The following LIMCH1 variants were observed in gnomAD, a reference collection of about 807,000 sequenced individuals.
The protein encoded by LIMCH1 is LIM and calponin homology domains 1.
A neutral mutation model predicts 176.5 loss-of-function variants in LIMCH1; 113 were observed. The ratio of observed to expected loss-of-function variants is 0.64; its 90% CI spans 0.55 to 0.75. LIMCH1 has a LOEUF of 0.75. LIMCH1 is among the 30% of genes least tolerant of loss of function. The pLI is 0.00. For missense variants in LIMCH1, 1,674 were observed against 1,814.9 expected (o/e 0.92, Z 1.41); for synonymous variants, 619 against 645.9 (o/e 0.96, Z 0.63).
chr4:41,367,391 C>T lies in LIMCH1; in HGVS notation c.96+6455C>T, dbSNP rs2053188318. Among the ~76,000 whole-genome samples the T allele has an allele frequency of 3.3e-5, 5 of 152,190 alleles. No individual in the cohort carries two copies. The South Asian group carries it at 8.3e-4, about 25-fold the overall frequency. ...TTAGGTTGGGAAAGCTCCATGTTTC[C>T]ACTGTCCTGCATTTTGCCTGTGAGA... is the stretch of plus-strand genomic sequence containing the variant. On this transcript the variant is annotated intron_variant, in intron 1 of 26. Transcript: ENST00000313860.
At chr4:41,494,751 A>G (rs2071765677) in intron 2 of LIMCH1, 2 of 589,320 alleles carry the variant, frequency 3.4e-6, no homozygotes, top group Non-Finnish European at 5.9e-6. Context: ...TAGACAAGAA[A>G]CACAAGTCGG....
intron 12 of LIMCH1, 75 bp from the exon 13 acceptor site, chr4:41,633,473 G>A (rs576921066): frequency 4.0e-5 from 59 of 1,486,892 alleles, no homozygotes; most frequent in East Asian, 7.4e-5. Flanking sequence ...TTGAATTAAC[G>A]CCAGTGAGTG....
chr4:41,573,322 T>C (rs148923769), intron 1 of LIMCH1, among the ~76,000 whole-genome samples: 4 of 152,208 alleles, frequency 2.6e-5, no homozygotes, highest in African/African-American at 9.7e-5. Context: ...TGATATGTAA[T>C]CACTATGTAA....
Position 41,598,916 on chromosome 4 carries a change from C to G in LIMCH1, c.-240-4C>G, listed in dbSNP as rs1002239083. On this transcript the variant is annotated splice_polypyrimidine_tract_variant and splice_region_variant and intron_variant, in intron 1 of 31. Coordinates refer to ENST00000503057, the MANE Select transcript of LIMCH1 (RefSeq NM_001330672.2). ...TAGACTTATATTTCTTTTTTTCCTT[C>G]TAGGACAATATTATCTTATTCTTGA... 2 of 1,567,808 alleles carry G rather than the reference C, an allele frequency of 1.3e-6. No individual in the cohort carries two copies. The highest frequency in any genetic ancestry group is 1.8e-6 in the Non-Finnish European group (2 of 1,142,182).
intron 1 of LIMCH1, among the ~76,000 whole-genome samples, chr4:41,386,239 C>T (rs1420338515): frequency 2.6e-5 from 4 of 152,110 alleles, no homozygotes; most frequent in African/African-American, 9.7e-5. Flanking sequence ...TTCTGTTACC[C>T]TTCTTGGGGA....
chr4:41,600,289 G>A (rs1037665276), intron 2 of LIMCH1, among the ~76,000 whole-genome samples: 1 of 152,118 alleles, frequency 6.6e-6, no homozygotes, highest in Non-Finnish European at 1.5e-5. Flanking sequence ...ATTTATTATT[G>A]TACTTAAATC....
At chr4:41,638,852 C>A in intron 13 of LIMCH1, 80 bp from the exon 14 acceptor site, 1 of 1,151,926 alleles carries the variant, frequency 8.7e-7, no homozygotes, top group Non-Finnish European at 1.3e-6. Flanking sequence ...TGTATTTCAC[C>A]GGCAGTTTCT....
chr4:41,676,721 G>A (rs115760658), intron 23 of LIMCH1, among the ~76,000 whole-genome samples: 1,813 of 152,216 alleles, frequency 0.012, 42 homozygotes, highest in African/African-American at 0.041. Context: ...GTATGGATAA[G>A]GGCCAGTCTA....
intron 4 of LIMCH1, chr4:41,612,349 C>T: frequency 3.6e-6 from 2 of 556,492 alleles, no homozygotes; most frequent in East Asian, 2.9e-5. Context: ...TTTATTTTTC[C>T]TTTCTATTGG....
chr4:41,503,915 G>T (rs985394032), intron 2 of LIMCH1, among the ~76,000 whole-genome samples: 2 of 152,160 alleles, frequency 1.3e-5, no homozygotes, highest in Admixed American at 6.5e-5. Context: ...TTTTTCTGAT[G>T]TGGCTGCCAC....
At chr4:41,506,064 C>T (rs895932027) in intron 2 of LIMCH1, among the ~76,000 whole-genome samples, 6 of 151,954 alleles carry the variant, frequency 3.9e-5, no homozygotes, top group African/African-American at 1.5e-4. Flanking sequence ...TTACAAATTC[C>T]ATCTTCCTAG....
At chr4:41,603,494 T>C (rs1339016921) in intron 2 of LIMCH1, among the ~76,000 whole-genome samples, 1 of 152,250 alleles carries the variant, frequency 6.6e-6, no homozygotes. Flanking sequence ...AATACTTGCA[T>C]GAAGATTTTG....
intron 1 of LIMCH1, among the ~76,000 whole-genome samples, chr4:41,481,222 T>G (rs1281892773): frequency 6.6e-6 from 1 of 152,244 alleles, no homozygotes; most frequent in Admixed American, 6.5e-5. Context: ...TCTGTGCTGT[T>G]TCTTTGCCAA....
At chr4:41,440,124 T>C (rs2154140898) in intron 1 of LIMCH1, among the ~76,000 whole-genome samples, 1 of 152,320 alleles carries the variant, frequency 6.6e-6, no homozygotes, top group South Asian at 2.1e-4. Flanking sequence ...ATTTTAAAAA[T>C]TATTAAATAA....
chr4:41,540,690 G>A (rs2078520766), intron 1 of LIMCH1, among the ~76,000 whole-genome samples: 1 of 152,080 alleles, frequency 6.6e-6, no homozygotes, highest in Admixed American at 6.6e-5. Context: ...AGTGAGCTGA[G>A]ATCGCACCAC....
chr4:41,457,796 A>G (rs1183113010), intron 1 of LIMCH1, among the ~76,000 whole-genome samples: 1 of 152,204 alleles, frequency 6.6e-6, no homozygotes, highest in East Asian at 1.9e-4. Context: ...AACATTTGCA[A>G]ATCATCTGAC....
chr4:41,441,994 C>G (rs1015603241), intron 1 of LIMCH1, among the ~76,000 whole-genome samples: 3 of 152,146 alleles, frequency 2.0e-5, no homozygotes, highest in African/African-American at 7.2e-5. Flanking sequence ...ATGGAGACCA[C>G]AAAAGCTGTG....
chr4:41,381,585 G>C (rs183649328), intron 1 of LIMCH1, among the ~76,000 whole-genome samples: 4 of 152,200 alleles, frequency 2.6e-5, no homozygotes, highest in East Asian at 1.9e-4. Context: ...CCTTGGATTC[G>C]GGCAGGCCCT....
At chr4:41,458,952 CT>C (rs2064967233) in intron 1 of LIMCH1, among the ~76,000 whole-genome samples, 1 of 152,000 alleles carries the variant, frequency 6.6e-6, no homozygotes, top group African/African-American at 2.4e-5. Flanking sequence ...CATTTAGTTG[CT>C]GTTCAACCTG....
Sources: allele counts gnomAD v4.1 joint callset (sites outside exome capture counted in the v4.1 genomes callset), GRCh38; gene constraint gnomAD v4.1.1; transcripts MANE v1.5; gene names NCBI Gene and HGNC (gene_info 2026-07-23, HGNC 2026-07-21).